The following ZNF536 variants were observed in gnomAD, a reference collection of about 807,000 sequenced individuals.
ZNF536 encodes the protein zinc finger protein 536.
Under a neutral mutation model 84.5 loss-of-function variants are expected in ZNF536, and 13 were observed. The observed-to-expected ratio is 0.15, with a 90% CI of 0.10 to 0.24. The LOEUF (loss-of-function observed/expected upper bound fraction) is 0.24. Among genes scored for constraint, ZNF536 ranks in the 10% least tolerant of loss-of-function variants. The pLI is 1.00. For synonymous variants in ZNF536, 811 were observed against 742.5 expected (o/e 1.09, Z -1.50); for missense variants, 1,536 against 1,747.5 (o/e 0.88, Z 2.16).
At chr19:30,591,913 A>G (rs773285728) in intron 1 of ZNF536, among the ~76,000 whole-genome samples, 26 of 152,194 alleles carry the variant, frequency 1.7e-4, no homozygotes, top group Non-Finnish European at 3.4e-4. Flanking sequence ...CTAGGTATGG[A>G]TATGTTTCTC....
At chr19:30,313,591 A>G (rs1027338012) in intron 2 of ZNF536, among the ~76,000 whole-genome samples, 6 of 152,118 alleles carry the variant, frequency 3.9e-5, no homozygotes, top group Non-Finnish European at 8.8e-5. Flanking sequence ...TGACCTCCAA[A>G]GCCTCCCAGG....
At chr19:30,569,556 G>GTTTTTTT (rs1193738249) in intron 1 of ZNF536, among the ~76,000 whole-genome samples, 4 of 80,438 alleles carry the variant, frequency 5.0e-5, no homozygotes, top group African/African-American at 1.5e-4. Flanking sequence ...CCAGATAAAC[G>GTTTTTTT]TTCTTTTTTT....
Position 30,584,697 on chromosome 19 carries a change from T to C in ZNF536, c.169+35183T>C, listed in dbSNP as rs537858687. On this transcript the variant is annotated intron_variant, in intron 1 of 1. Transcript: ENST00000592773. ...CTCCCTCCTCCCTGATTCATCATCA[T>C]TTCTCAAGTCTGCACCTTGCAGAAC... 3.0e-4 allele frequency among the ~76,000 whole-genome samples: 45 copies of C among 152,324 alleles called. No individual in the cohort carries two copies. The South Asian group carries it at 9.1e-3, about 31-fold the overall frequency.
At chr19:30,681,447 G>C (rs559260602) in intron 1 of ZNF536, among the ~76,000 whole-genome samples, 1 of 152,214 alleles carries the variant, frequency 6.6e-6, no homozygotes, top group Admixed American at 6.5e-5. Context: ...GGCGGGGAGT[G>C]GGGTAGGAAA....
At chr19:30,700,299 T>C (rs1172604533) in intron 1 of ZNF536, among the ~76,000 whole-genome samples, 1 of 148,588 alleles carries the variant, frequency 6.7e-6, no homozygotes, top group Non-Finnish European at 1.5e-5. Flanking sequence ...CCTCCCTCCT[T>C]CCCTCTCCCT....
intron 1 of ZNF536, among the ~76,000 whole-genome samples, chr19:30,569,559 C>CTTTTTTTTT (rs34995610): frequency 0.021 from 1,162 of 55,050 alleles, 264 homozygotes; most frequent in East Asian, 0.052. Flanking sequence ...GATAAACGTT[C>CTTTTTTTTT]TTTTTTTTTT....
chr19:30,308,433 G>A (rs1320622193), intron 2 of ZNF536, among the ~76,000 whole-genome samples: 1 of 152,098 alleles, frequency 6.6e-6, no homozygotes, highest in Non-Finnish European at 1.5e-5. Flanking sequence ...AATGGGGTGG[G>A]AGAAAGGTTT....
intron 1 of ZNF536, among the ~76,000 whole-genome samples, chr19:30,423,137 C>CATCCATCCATCCATG: frequency 1.4e-5 from 1 of 69,282 alleles, no homozygotes; most frequent in Non-Finnish European, 3.3e-5. Context: ...ATCCATCCAT[C>CATCCATCCATCCATG]CATCCATCCA....
chr19:30,443,103 GTAC>G (rs1256970955), intron 1 of ZNF536, among the ~76,000 whole-genome samples: 2 of 146,072 alleles, frequency 1.4e-5, no homozygotes, highest in African/African-American at 5.1e-5. Context: ...ACTGGTGAAT[GTAC>G]TGAATATAGT....
intron 1 of ZNF536, among the ~76,000 whole-genome samples, chr19:30,585,423 A>C (rs1202507528): frequency 6.6e-6 from 1 of 152,190 alleles, no homozygotes; most frequent in Admixed American, 6.5e-5. Flanking sequence ...CAGATGAACA[A>C]ATGAATGAAG....
rs531034662 is a variant in ZNF536 at position 30,420,113 on chromosome 19, T to C, written c.-2-23448T>C. Among the ~76,000 whole-genome samples, 21 of 152,320 alleles carry C rather than the reference T, an allele frequency of 1.4e-4. No homozygotes were observed. In the South Asian group the frequency reaches 3.9e-3, roughly 29 times the overall value. On this transcript the variant is annotated intron_variant, in intron 1 of 4. Coordinates refer to ENST00000355537, the MANE Select transcript of ZNF536 (RefSeq NM_014717.3). ...CACTCCCAGGGATGTCACGGGGAAC[T>C]GCTTGTGCGTGGCTGAGAACAGAAT...
intron 4 of ZNF536, among the ~76,000 whole-genome samples, chr19:30,552,223 A>T (rs1358305372): frequency 2.0e-5 from 3 of 152,194 alleles, no homozygotes; most frequent in Non-Finnish European, 4.4e-5. Context: ...ATGGGTTTCT[A>T]AATCCGCCTA....
chr19:30,592,334 T>A (rs1473228052), intron 1 of ZNF536, among the ~76,000 whole-genome samples: 1 of 152,064 alleles, frequency 6.6e-6, no homozygotes, highest in Non-Finnish European at 1.5e-5. Context: ...TGCAGTGGGA[T>A]TTTTTTTCCA....
At chr19:30,625,051 C>T (rs2048626195) in intron 1 of ZNF536, among the ~76,000 whole-genome samples, 1 of 152,188 alleles carries the variant, frequency 6.6e-6, no homozygotes, top group South Asian at 2.1e-4. Flanking sequence ...GTTTATAAAT[C>T]ACCAGGTCTT....
intron 1 of ZNF536, among the ~76,000 whole-genome samples, chr19:30,566,763 G>A (rs183698139): frequency 8.6e-5 from 13 of 151,758 alleles, no homozygotes; most frequent in Non-Finnish European, 1.2e-4. Flanking sequence ...TGGCCTCTCC[G>A]GGCAGTGGAG....
intron 2 of ZNF536, among the ~76,000 whole-genome samples, chr19:30,482,539 A>T (rs546074188): frequency 1.4e-5 from 2 of 138,228 alleles, no homozygotes; most frequent in African/African-American, 3.2e-5. Flanking sequence ...GTTGTCCAAG[A>T]TTCTTGCTTT....
chr19:30,421,642 C>T (rs938420247), intron 1 of ZNF536, among the ~76,000 whole-genome samples: 2 of 152,190 alleles, frequency 1.3e-5, no homozygotes, highest in Non-Finnish European at 2.9e-5. Context: ...GGATTTCGGG[C>T]GTGAGCCACT....
intron 1 of ZNF536, among the ~76,000 whole-genome samples, chr19:30,642,467 G>T (rs1485524593): frequency 6.6e-6 from 1 of 152,152 alleles, no homozygotes; most frequent in African/African-American, 2.4e-5. Context: ...GAAAGTCACT[G>T]CCAGGACCCG....
chr19:30,533,908 G>A (rs1039638138), intron 2 of ZNF536, among the ~76,000 whole-genome samples: 5 of 152,220 alleles, frequency 3.3e-5, no homozygotes, highest in Admixed American at 6.5e-5. Flanking sequence ...TCTCCTCCTC[G>A]ATTCCCCAAT....
Sources: allele counts gnomAD v4.1 joint callset (sites outside exome capture counted in the v4.1 genomes callset), GRCh38; gene constraint gnomAD v4.1.1; transcripts MANE v1.5; gene names NCBI Gene and HGNC (gene_info 2026-07-23, HGNC 2026-07-21).